PPP6R2: variants seen among roughly 807,000 people sequenced by gnomAD.
PPP6R2 encodes serine/threonine-protein phosphatase 6 regulatory subunit 2.
A neutral mutation model predicts 100.2 loss-of-function variants in PPP6R2; 62 were observed. The observed-to-expected ratio is 0.62, with a 90% confidence interval of 0.50 to 0.76. The LOEUF is 0.76. PPP6R2 is among the 30% of genes least tolerant of loss of function. The pLI is 0.00. For missense variants in PPP6R2, 1,142 were observed against 1,276.3 expected, an observed-to-expected ratio of 0.89 and a Z score of 1.60; for synonymous variants, 525 against 514.7, an observed-to-expected ratio of 1.02 and a Z score of -0.27.
intron 1 of PPP6R2, among the ~76,000 whole-genome samples, chr22:50,362,056 G>A (rs1005874690): frequency 6.6e-6 from 1 of 152,216 alleles, no homozygotes; most frequent in Non-Finnish European, 1.5e-5. Context: ...GTCAGGGACT[G>A]CCCTGATGTG....
At position 50,367,591 on chromosome 22, in the gene PPP6R2, G is replaced by T. The variant is rs1307933587; in HGVS notation, c.-147-4429G>T. On this transcript the variant is annotated intron_variant, in intron 1 of 23. Transcript: ENST00000612753. ...CAAGGCACATAGTTAAGTAGAAAATGAAAAAGGGAGGGAAGGACCTTTGCT... is the reference window on the plus strand; with the variant it reads ...CAAGGCACATAGTTAAGTAGAAAATTAAAAAGGGAGGGAAGGACCTTTGCT... 2.0e-5 allele frequency among the ~76,000 whole-genome samples: 3 copies of T among 151,984 alleles called. 1 individual carries two copies. The South Asian group carries it at 6.2e-4, about 31-fold the overall frequency.
chr22:50,338,461 AGT>A (rs2042328290), upstream of PPP6R2, among the ~76,000 whole-genome samples: 1 of 62,262 alleles, frequency 1.6e-5, no homozygotes, highest in Admixed American at 1.7e-4. Flanking sequence ...TGTGGTATGT[AGT>A]GTGTGTTATG....
At chr22:50,407,987 G>T (rs2059210464) in intron 4 of PPP6R2, among the ~76,000 whole-genome samples, 1 of 152,206 alleles carries the variant, frequency 6.6e-6, no homozygotes, top group Non-Finnish European at 1.5e-5. Context: ...AAGCTCAGGT[G>T]ATCCTCCCAC....
rs746949491 is a variant in PPP6R2, at chr22:50,439,772, G to A, written c.2200G>A (p.Val734Met). 1.2e-5 allele frequency: 20 copies of A among 1,613,664 alleles called. No individual in the cohort carries two copies. The highest frequency in any genetic ancestry group is 2.2e-5 in the South Asian group (2 of 91,072). The change falls in exon 20 of 24, where the codon GTG (valine) becomes ATG (methionine). Residue 734 changes from valine (V) to methionine (M), a missense_variant. Physicochemically the swap from Val to Met is conservative, Grantham distance 21 (BLOSUM62 1). This residue lies in a region of PPP6R2 where 550 missense variants were observed against 517.4 expected (regional missense o/e 1.06). Transcript: ENST00000612753. ...TPTAPGVVRDVGSSVWAAGTS... is the reference protein window; with the variant it reads ...TPTAPGVVRDMGSSVWAAGTS... ...CACAGCCCCAGGAGTGGTGAGGGAC[G>A]TGGGTTCCAGTGTGTGGGCAGCTGG... is the stretch of plus-strand genomic sequence containing the variant.
At chr22:50,374,987 G>A (rs1271587525) in intron 2 of PPP6R2, among the ~76,000 whole-genome samples, 2 of 147,538 alleles carry the variant, frequency 1.4e-5, no homozygotes, top group African/African-American at 5.0e-5. Context: ...TAGCACCAAA[G>A]ACAAAAAGAA....
At chr22:50,413,567 G>A (rs1189051048) in intron 4 of PPP6R2, among the ~76,000 whole-genome samples, 1 of 152,128 alleles carries the variant, frequency 6.6e-6, no homozygotes, top group Non-Finnish European at 1.5e-5. Context: ...GATGCCCCTT[G>A]TTTCATTCTT....
rs149937922 is a variant in PPP6R2 at position 50,425,714 on chromosome 22, G to A, written c.1125+2100G>A. Among the ~76,000 whole-genome samples the A allele has an allele frequency of 2.8e-3, 427 of 151,416 alleles. 1 individual carries two copies. Among genetic ancestry groups the A allele is most frequent in the Middle Eastern group, 3.4e-3 (1 of 294 alleles). On this transcript the variant is annotated intron_variant, in intron 10 of 23. Coordinates refer to ENST00000612753, the MANE Select transcript of PPP6R2 (RefSeq NM_001242898.2). ...CGTCATCTGATGTGCGTGTGGAACGGTGTCTCCGTGTGGCTGATGCTCGTC... is the reference window on the plus strand; with the variant it reads ...CGTCATCTGATGTGCGTGTGGAACGATGTCTCCGTGTGGCTGATGCTCGTC...
At chr22:50,415,583 G>A (rs1205157068) in intron 5 of PPP6R2, among the ~76,000 whole-genome samples, 2 of 152,254 alleles carry the variant, frequency 1.3e-5, no homozygotes, top group East Asian at 1.9e-4. Flanking sequence ...GGCACAGGGC[G>A]CAGCAGTGCG....
At chr22:50,443,501 C>G in intron 22 of PPP6R2, 1 of 219,106 alleles carries the variant, frequency 4.6e-6, no homozygotes, top group South Asian at 1.2e-4. Context: ...TCTCTACCCT[C>G]CCATCCCCTG....
intron 3 of PPP6R2, among the ~76,000 whole-genome samples, chr22:50,396,399 G>A (rs1262930322): frequency 6.6e-6 from 1 of 151,628 alleles, no homozygotes; most frequent in African/African-American, 2.4e-5. Flanking sequence ...GAAGGCTGAG[G>A]CAGGAGAATT....
rs550453728 is a variant in PPP6R2 at position 50,436,199 on chromosome 22, G to C, written c.1517-168G>C. On this transcript the variant is annotated intron_variant, in intron 13 of 23. Coordinates refer to ENST00000612753, the MANE Select transcript of PPP6R2 (RefSeq NM_001242898.2). ...GCCCCTCCGGACACGCGGCTATGCT[G>C]CCTCTTTCTCATCCGGCAAAGCCCC... 6.6e-5 allele frequency among the ~76,000 whole-genome samples: 10 copies of C among 152,338 alleles called. No homozygotes were observed. In the South Asian group the frequency reaches 1.9e-3, roughly 28 times the overall value.
intron 22 of PPP6R2, chr22:50,443,598 TTGA>T (rs1174472657): frequency 1.5e-5 from 8 of 531,576 alleles, no homozygotes; most frequent in South Asian, 1.1e-4. Flanking sequence ...AATGAGGCGC[TTGA>T]TGATGAGCAG....
chr22:50,437,484 T>TTCCCCCC, intron 15 of PPP6R2, 22 bp from the exon 16 acceptor site: 1 of 542,128 alleles, frequency 1.8e-6, no homozygotes, highest in Non-Finnish European at 3.6e-6. Context: ...TGTCCGTCCC[T>TTCCCCCC]CCCTCCCTCC....
In PPP6R2 at chr22:50,440,855, G is replaced by A. The variant is rs1025658137; in HGVS notation, c.2408G>A (p.Cys803Tyr). 5 of 1,613,732 alleles carry A rather than the reference G, an allele frequency of 3.1e-6. No individual in the cohort carries two copies. The highest frequency in any genetic ancestry group is 2.5e-6 in the Non-Finnish European group (3 of 1,180,018). Reference protein sequence around the residue: ...SPASPCAWNVCVTRKAPLLAS... With the variant: ...SPASPCAWNVYVTRKAPLLAS... ...GCTTCTCCATGTGCCTGGAACGTGT[G>A]TGTCACCAGGAAGGCCCCCCTGCTG... Residue 803 changes from cysteine to tyrosine, a missense_variant, in exon 22 of 24, where the codon TGT becomes TAT. Cys to Tyr is a radical substitution (Grantham distance 194, BLOSUM62 -2). Around this residue, in one of 2 missense-constraint regions of PPP6R2, gnomAD observed 550 missense variants for 517.4 expected, o/e 1.06. Transcript: ENST00000612753.
chr22:50,403,044 C>G (rs1370819541), intron 3 of PPP6R2, among the ~76,000 whole-genome samples: 1 of 152,158 alleles, frequency 6.6e-6, no homozygotes, highest in Non-Finnish European at 1.5e-5. Flanking sequence ...AAAACCCCGT[C>G]TCTACCAAAA....
chr22:50,336,568 T>A, the PPP6R2 span, among the ~76,000 whole-genome samples: 37 of 146,810 alleles, frequency 2.5e-4, no homozygotes, highest in South Asian at 6.5e-4. Flanking sequence ...TAGAGAAAAA[T>A]TTTTTTTTAG....
chr22:50,374,930 A>G (rs899730206), intron 2 of PPP6R2, among the ~76,000 whole-genome samples: 4 of 150,468 alleles, frequency 2.7e-5, no homozygotes, highest in South Asian at 4.2e-4. Context: ...AAAAAAAAAA[A>G]AGAGAAAAAG....
intron 1 of PPP6R2, among the ~76,000 whole-genome samples, chr22:50,356,722 G>T (rs1165681866): frequency 6.6e-6 from 1 of 151,924 alleles, no homozygotes; most frequent in Non-Finnish European, 1.5e-5. Context: ...GGATCACAAG[G>T]TCGGGAGTTC....
chr22:50,334,675 A>G, the PPP6R2 span, among the ~76,000 whole-genome samples: 13 of 152,094 alleles, frequency 8.5e-5, no homozygotes, highest in African/African-American at 3.1e-4. Flanking sequence ...CAACAAAAAC[A>G]CCTGCTGAAG....
Sources: allele counts gnomAD v4.1 joint callset (sites outside exome capture counted in the v4.1 genomes callset), GRCh38; gene constraint gnomAD v4.1.1; regional missense constraint gnomAD v4.1.1; transcripts MANE v1.5; gene names NCBI Gene and HGNC (gene_info 2026-07-23, HGNC 2026-07-21).